The following GALNT13 variants were observed in gnomAD, a reference collection of about 807,000 sequenced individuals.
GALNT13 encodes UDP-GalNAc:polypeptide N-acetylgalactosaminyltransferase 13.
GALNT13 carries 28 observed loss-of-function variants against 64.2 expected under a neutral mutation model. The ratio of observed to expected loss-of-function variants is 0.44; its 90% CI spans 0.32 to 0.60. GALNT13 has a LOEUF of 0.60. Among genes scored for constraint, GALNT13 ranks in the 20% least tolerant of loss-of-function variants. The probability of loss-of-function intolerance (pLI) is 0.05; values close to 1 mark genes in which losing one functional copy is unlikely to be tolerated. For missense variants in GALNT13, 577 were observed against 669.8 expected (o/e 0.86, Z 1.53); for synonymous variants, 214 against 224.6 (o/e 0.95, Z 0.42).
chr2:153,625,328 A>C, the GALNT13 span, among the ~76,000 whole-genome samples: 1 of 152,134 alleles, frequency 6.6e-6, no homozygotes, highest in Non-Finnish European at 1.5e-5. Flanking sequence ...AGCGGAGGTA[A>C]TGATTGCATA....
rs1322928536 is a variant in GALNT13 at position 154,145,280 on chromosome 2, G to A, written c.311+4775G>A. 8.6e-5 allele frequency among the ~76,000 whole-genome samples: 13 copies of A among 151,582 alleles called. No homozygotes were observed. In the East Asian group the frequency reaches 2.5e-3, roughly 29 times the overall value. On this transcript the variant is annotated intron_variant, in intron 4 of 12. Coordinates refer to ENST00000392825, the MANE Select transcript of GALNT13 (RefSeq NM_052917.4). ...CTTAATAGCCTATCTGATTCAGAAT[G>A]TTGAGAAAAATGACTATTAACTAAT...
At chr2:154,188,305 C>T (rs984794379) in intron 4 of GALNT13, among the ~76,000 whole-genome samples, 19 of 151,896 alleles carry the variant, frequency 1.3e-4, no homozygotes, top group Admixed American at 6.6e-4. Flanking sequence ...TCAACAGTCC[C>T]CAAATAAAGA....
At chr2:154,232,822 C>T (rs752737212) in intron 4 of GALNT13, among the ~76,000 whole-genome samples, 1 of 149,976 alleles carries the variant, frequency 6.7e-6, no homozygotes, top group Non-Finnish European at 1.5e-5. Flanking sequence ...TGCTTGAGCT[C>T]AGGAGTTTGA....
the GALNT13 span, among the ~76,000 whole-genome samples, chr2:153,189,876 A>G: frequency 4.2e-3 from 635 of 152,202 alleles, 5 homozygotes; most frequent in African/African-American, 0.015. Context: ...TTTGATTCAT[A>G]TATCTGTTGT....
rs552171966 is a variant in GALNT13 at position 154,343,694 on chromosome 2, T to G, written c.1156+42105T>G. 1.4e-4 allele frequency among the ~76,000 whole-genome samples: 21 copies of G among 152,178 alleles called. No homozygotes were observed. The East Asian group carries it at 3.9e-3, about 28-fold the overall frequency. On this transcript the variant is annotated intron_variant, in intron 9 of 12. Coordinates refer to ENST00000392825, the MANE Select transcript of GALNT13 (RefSeq NM_052917.4). ...ATCTTCTTGAATATGTGATCTCAAA[T>G]CATGGCTGTAACATTGATATATACA...
At chr2:154,342,993 A>G (rs1179268037) in intron 9 of GALNT13, among the ~76,000 whole-genome samples, 4 of 151,988 alleles carry the variant, frequency 2.6e-5, no homozygotes, top group African/African-American at 9.7e-5. Context: ...CAAGCATTGT[A>G]TTTAGTATGA....
At chr2:154,382,559 C>T (rs751357573) in intron 9 of GALNT13, among the ~76,000 whole-genome samples, 7 of 151,898 alleles carry the variant, frequency 4.6e-5, no homozygotes, top group Non-Finnish European at 8.8e-5. Flanking sequence ...TCTACCATTC[C>T]CTGAAGTCAT....
chr2:153,716,193 T>G, the GALNT13 span, among the ~76,000 whole-genome samples: 1 of 152,186 alleles, frequency 6.6e-6, no homozygotes, highest in South Asian at 2.1e-4. Flanking sequence ...AGATGAAACT[T>G]AGTTCCATGG....
At chr2:153,727,934 C>G in the GALNT13 span, among the ~76,000 whole-genome samples, 1 of 152,142 alleles carries the variant, frequency 6.6e-6, no homozygotes, top group African/African-American at 2.4e-5. Context: ...GTGATGTTCC[C>G]CTCCCTGTGT....
At position 154,057,639 on chromosome 2, in the gene GALNT13, G is replaced by A. The variant is rs543516819; in HGVS notation, c.143-82698G>A. Among the ~76,000 whole-genome samples, 163 of 152,306 alleles carry A rather than the reference G, an allele frequency of 1.1e-3. 2 individuals are homozygous for A. Among genetic ancestry groups the A allele is most frequent in the Non-Finnish European group, 1.5e-3 (103 of 68,028 alleles). ...TAGGATCACATAATCCAGCTCTGCAGCAGAGGTGAGGGTGGAGAGCAGCAA... is the reference window on the plus strand; with the variant it reads ...TAGGATCACATAATCCAGCTCTGCAACAGAGGTGAGGGTGGAGAGCAGCAA... On this transcript the variant is annotated intron_variant, in intron 3 of 12. Coordinates refer to ENST00000392825, the MANE Select transcript of GALNT13 (RefSeq NM_052917.4).
intron 9 of GALNT13, among the ~76,000 whole-genome samples, chr2:154,382,113 TC>T (rs1417392994): frequency 1.3e-5 from 2 of 152,104 alleles, no homozygotes; most frequent in Non-Finnish European, 2.9e-5. Context: ...ACATGTTGTT[TC>T]CTTTCAAGAT....
At chr2:153,322,738 GA>G in the GALNT13 span, among the ~76,000 whole-genome samples, 1 of 152,134 alleles carries the variant, frequency 6.6e-6, no homozygotes, top group African/African-American at 2.4e-5. Context: ...ACTTATGAGT[GA>G]GAACATGCAG....
chr2:153,437,894 A>C, the GALNT13 span, among the ~76,000 whole-genome samples: 1 of 152,198 alleles, frequency 6.6e-6, no homozygotes, highest in East Asian at 1.9e-4. Flanking sequence ...TATTTTGCTC[A>C]TTAGTTGATG....
At chr2:153,613,393 T>C in the GALNT13 span, among the ~76,000 whole-genome samples, 1 of 152,138 alleles carries the variant, frequency 6.6e-6, no homozygotes, top group Non-Finnish European at 1.5e-5. Flanking sequence ...TCCATAAATA[T>C]GTGCATTTTT....
At chr2:154,168,166 G>A (rs1469922504) in intron 4 of GALNT13, among the ~76,000 whole-genome samples, 2 of 152,064 alleles carry the variant, frequency 1.3e-5, no homozygotes, top group Non-Finnish European at 2.9e-5. Context: ...GTGCAGAGCA[G>A]CATGTCACAG....
intron 8 of GALNT13, among the ~76,000 whole-genome samples, chr2:154,264,136 A>G (rs1411668284): frequency 1.3e-5 from 2 of 152,168 alleles, no homozygotes; most frequent in Non-Finnish European, 2.9e-5. Context: ...CTGTGGGAGT[A>G]TTCAGCTGTG....
At chr2:153,963,435 A>G (rs1292291426) in intron 3 of GALNT13, among the ~76,000 whole-genome samples, 1 of 152,184 alleles carries the variant, frequency 6.6e-6, no homozygotes, top group African/African-American at 2.4e-5. Flanking sequence ...TTGGGAAAAT[A>G]CCAAAGGATG....
At position 153,986,186 on chromosome 2, in the gene GALNT13, G is replaced by A. The variant is rs77719506; in HGVS notation, c.142+41547G>A. ...TATGCTAAAGAGCTGGCTTCAAACC[G>A]TCAAATGGTACATGCATTAACATGG... On this transcript the variant is annotated intron_variant, in intron 3 of 12. Coordinates refer to ENST00000392825, the MANE Select transcript of GALNT13 (RefSeq NM_052917.4). Among the ~76,000 whole-genome samples, 151 of 152,050 alleles carry A rather than the reference G, an allele frequency of 9.9e-4. 1 individual carries two copies. Among genetic ancestry groups the A allele is most frequent in the Admixed American group, 2.5e-3 (38 of 15,222 alleles).
At chr2:153,221,815 T>A in the GALNT13 span, among the ~76,000 whole-genome samples, 1 of 152,326 alleles carries the variant, frequency 6.6e-6, no homozygotes, top group East Asian at 1.9e-4. Context: ...CTGGATCAGA[T>A]GCACCACAAG....
Sources: allele counts gnomAD v4.1 joint callset (sites outside exome capture counted in the v4.1 genomes callset), GRCh38; gene constraint gnomAD v4.1.1; transcripts MANE v1.5; gene names NCBI Gene and HGNC (gene_info 2026-07-23, HGNC 2026-07-21).